The following ZNF521 variants were observed in gnomAD, a reference collection of about 807,000 sequenced individuals.
ZNF521 encodes the protein LYST-interacting protein 3.
In ZNF521, 14 loss-of-function variants were observed where a neutral mutation model predicts 105.5. The ratio of observed to expected loss-of-function variants is 0.13; its 90% confidence interval spans 0.09 to 0.21. ZNF521 has a LOEUF of 0.21. ZNF521 is among the 10% of genes least tolerant of loss of function. The probability of loss-of-function intolerance (pLI) is 1.00; values close to 1 mark genes in which losing one functional copy is unlikely to be tolerated. For synonymous variants in ZNF521, 635 were observed against 606.0 expected (o/e 1.05, Z -0.70); for missense variants, 1,233 against 1,629.7 (o/e 0.76, Z 4.19).
rs960989713 is a variant in ZNF521 at position 25,171,260 on chromosome 18, A to G, written c.3658+23900T>C. Among the ~76,000 whole-genome samples the G allele has an allele frequency of 3.9e-5, 6 of 152,176 alleles. 1 individual carries two copies. The East Asian group carries it at 1.2e-3, about 29-fold the overall frequency. On this transcript the variant is annotated intron_variant, in intron 5 of 7. Transcript: ENST00000361524. ...TTACTGCATCGAAGACTTGCTCTCA[A>G]TAGCAGTTAAGCTTCTTTGAATGGA...
chr18:25,096,377 A>G lies in ZNF521; in HGVS notation c.3659-4296T>C, dbSNP rs1475673515. Among the ~76,000 whole-genome samples the G allele has an allele frequency of 3.3e-5, 5 of 152,192 alleles. No homozygotes were observed. In the South Asian group the frequency reaches 1.0e-3, roughly 31 times the overall value. ...TCCAATTTATAAAACCTGGACCTACATAACTATTTATTAGCCTGTTTTATA... is the reference window on the plus strand; with the variant it reads ...TCCAATTTATAAAACCTGGACCTACGTAACTATTTATTAGCCTGTTTTATA... On this transcript the variant is annotated intron_variant, in intron 5 of 7. Coordinates refer to ENST00000361524, the MANE Select transcript of ZNF521 (RefSeq NM_015461.3).
At chr18:25,192,686 T>C (rs1426480891) in intron 5 of ZNF521, among the ~76,000 whole-genome samples, 1 of 137,120 alleles carries the variant, frequency 7.3e-6, no homozygotes, top group Non-Finnish European at 1.5e-5. Context: ...ATTTTTTGAT[T>C]AGACAAAAAA....
intron 3 of ZNF521, among the ~76,000 whole-genome samples, chr18:25,297,817 T>C (rs1911409694): frequency 1.3e-5 from 2 of 151,180 alleles, no homozygotes; most frequent in Admixed American, 6.6e-5. Flanking sequence ...GCTAGAAGAC[T>C]GAGATGAGTT....
chr18:25,086,626 A>G (rs1778281420), intron 7 of ZNF521, among the ~76,000 whole-genome samples: 2 of 152,124 alleles, frequency 1.3e-5, no homozygotes, highest in Non-Finnish European at 2.9e-5. Flanking sequence ...ATTATCACAT[A>G]CTCACCATAA....
intron 3 of ZNF521, among the ~76,000 whole-genome samples, chr18:25,253,785 A>T (rs143951805): frequency 1.3e-5 from 2 of 152,294 alleles, no homozygotes; most frequent in Admixed American, 1.3e-4. Flanking sequence ...ACAGATATAA[A>T]TTGGAAATCA....
chr18:25,277,501 G>A lies in ZNF521; in HGVS notation c.220+44507C>T, dbSNP rs115876393. 2.9e-3 allele frequency among the ~76,000 whole-genome samples: 443 copies of A among 152,164 alleles called. 3 individuals carry two copies. Among genetic ancestry groups the A allele is most frequent in the African/African-American group, 0.01 (420 of 41,506 alleles). On this transcript the variant is annotated intron_variant, in intron 3 of 7. Coordinates refer to ENST00000361524, the MANE Select transcript of ZNF521 (RefSeq NM_015461.3). ...GCGGAGTGACATCAAAGAGAAACTC[G>A]GACCCTCAACTATTAAGTAAAATAT...
chr18:25,315,374 C>A (rs1912548525), intron 3 of ZNF521: 1 of 152,170 alleles, frequency 6.6e-6, no homozygotes, highest in African/African-American at 2.4e-5. Context: ...AGGAAAATTG[C>A]ACCATGAGAC....
chr18:25,207,446 A>T (rs1265945586), intron 4 of ZNF521, among the ~76,000 whole-genome samples: 3 of 152,320 alleles, frequency 2.0e-5, no homozygotes, highest in East Asian at 3.9e-4. Flanking sequence ...CTCCATCGCC[A>T]GTTCTTGCTA....
At chr18:25,067,532 C>T (rs2033101517) in intron 7 of ZNF521, among the ~76,000 whole-genome samples, 1 of 152,132 alleles carries the variant, frequency 6.6e-6, no homozygotes, top group Admixed American at 6.5e-5. Context: ...ACCACATTTG[C>T]TGGTCAAACA....
intron 2 of ZNF521, among the ~76,000 whole-genome samples, chr18:25,326,932 T>C (rs1913252831): frequency 6.6e-6 from 1 of 152,158 alleles, no homozygotes; most frequent in Non-Finnish European, 1.5e-5. Flanking sequence ...TAAACAGCCA[T>C]GGCATGAATT....
chr18:25,082,686 C>CA, intron 7 of ZNF521: 1 of 414,360 alleles, frequency 2.4e-6, no homozygotes, highest in Non-Finnish European at 4.8e-6. Flanking sequence ...AATACACACA[C>CA]AAAAAATTAG....
chr18:25,111,003 T>C (rs1227054474), intron 5 of ZNF521, among the ~76,000 whole-genome samples: 1 of 152,076 alleles, frequency 6.6e-6, no homozygotes, highest in Non-Finnish European at 1.5e-5. Context: ...CCTTAAGTGT[T>C]CCACCCTCCT....
intron 3 of ZNF521, among the ~76,000 whole-genome samples, chr18:25,238,981 G>C (rs976857409): frequency 1.3e-5 from 2 of 152,078 alleles, no homozygotes; most frequent in South Asian, 2.1e-4. Context: ...CTAAGTCCTT[G>C]CTTGAAGTTT....
intron 5 of ZNF521, among the ~76,000 whole-genome samples, chr18:25,120,610 CA>C (rs2034420086): frequency 4.4e-5 from 6 of 135,556 alleles, no homozygotes; most frequent in African/African-American, 1.0e-4. Flanking sequence ...AAACCACAAA[CA>C]AACAAACAAA....
intron 2 of ZNF521, among the ~76,000 whole-genome samples, chr18:25,336,669 A>G (rs1038360754): frequency 1.3e-5 from 2 of 152,208 alleles, no homozygotes; most frequent in Admixed American, 1.3e-4. Flanking sequence ...CTGTCGTGGC[A>G]GACTGAACTC....
intron 3 of ZNF521, among the ~76,000 whole-genome samples, chr18:25,283,037 T>C (rs1910478127): frequency 6.6e-6 from 1 of 152,254 alleles, no homozygotes; most frequent in Non-Finnish European, 1.5e-5. Context: ...ACAGCGTGCC[T>C]GCTTTGTGCA....
At chr18:25,088,411 G>T (rs1214776980) in intron 7 of ZNF521, among the ~76,000 whole-genome samples, 2 of 151,692 alleles carry the variant, frequency 1.3e-5, no homozygotes, top group East Asian at 1.9e-4. Context: ...AGTAGAGATG[G>T]GGTTTCACCG....
At chr18:25,220,359 G>A (rs987815506) in intron 4 of ZNF521, among the ~76,000 whole-genome samples, 1 of 152,200 alleles carries the variant, frequency 6.6e-6, no homozygotes, top group Non-Finnish European at 1.5e-5. Context: ...CAATGGGTGA[G>A]GGAACTGAAG....
At chr18:25,198,813 C>G (rs1224673489) in intron 4 of ZNF521, among the ~76,000 whole-genome samples, 1 of 151,874 alleles carries the variant, frequency 6.6e-6, no homozygotes, top group Non-Finnish European at 1.5e-5. Flanking sequence ...CACCATTTTG[C>G]AATGCCAAAT....
Sources: allele counts gnomAD v4.1 joint callset (sites outside exome capture counted in the v4.1 genomes callset), GRCh38; gene constraint gnomAD v4.1.1; transcripts MANE v1.5; gene names NCBI Gene and HGNC (gene_info 2026-07-23, HGNC 2026-07-21).